The following NYAP2 variants were observed in gnomAD, a reference collection of about 807,000 sequenced individuals.
NYAP2 encodes neuronal tyrosine-phosphorylated phosphoinositide-3-kinase adaptor 2, also known as neuronal tyrosine-phosphorylated phosphoinositide-3-kinase adapter 2.
NYAP2 carries 23 observed loss-of-function variants against 50.4 expected under a neutral mutation model. The observed-to-expected ratio is 0.46, with a 90% CI of 0.33 to 0.65. The LOEUF (loss-of-function observed/expected upper bound fraction) is 0.65, where lower values mean the gene tolerates loss of function less well. Ranked by LOEUF, NYAP2 falls within the 30% of genes least tolerant of loss-of-function variation. NYAP2 has a pLI of 0.02. For missense variants in NYAP2, 885 were observed against 861.0 expected (o/e 1.03, Z -0.35); for synonymous variants, 394 against 365.2 (o/e 1.08, Z -0.90).
At chr2:225,536,527 GTT>G (rs5839111) in intron 4 of NYAP2, among the ~76,000 whole-genome samples, 1 of 151,618 alleles carries the variant, frequency 6.6e-6, no homozygotes, top group Non-Finnish European at 1.5e-5. Flanking sequence ...TTGTTGCCTT[GTT>G]TTTTTCTTTT....
intron 6 of NYAP2, among the ~76,000 whole-genome samples, chr2:225,638,593 C>A (rs1437193692): frequency 6.6e-6 from 1 of 152,070 alleles, no homozygotes; most frequent in Admixed American, 6.6e-5. Context: ...CTACAGGATA[C>A]CCAGTTACCC....
In NYAP2 at chr2:225,582,972, T is replaced by A; in HGVS notation, c.1555T>A (p.Ser519Thr). The stretch of plus-strand genomic sequence containing the variant: ...GCTGGAGGAGCTGACCAGCCTCTTC[T>A]CCTCCGGCCGCAGCCTGCTGCGCAA... The change falls in exon 5 of 7, where the codon TCC (serine) becomes ACC (threonine). Residue 519 changes from serine to threonine, a missense_variant. Physicochemically the swap from Ser to Thr is moderately conservative, Grantham distance 58 (BLOSUM62 1). Coordinates refer to ENST00000636099, the Ensembl canonical transcript of NYAP2. The surrounding 1 kb of genome is among the most constrained non-coding windows in gnomAD (Gnocchi z 7.0). 6.2e-7 allele frequency: 1 copy of A among 1,612,228 alleles called. No individual in the cohort carries two copies. Among genetic ancestry groups the A allele is most frequent in the Non-Finnish European group, 8.5e-7 (1 of 1,179,556 alleles).
intron 4 of NYAP2, among the ~76,000 whole-genome samples, chr2:225,556,028 G>T (rs746540756): frequency 1.3e-5 from 2 of 152,164 alleles, no homozygotes; most frequent in Non-Finnish European, 2.9e-5. Flanking sequence ...TATTATGGTT[G>T]TTTATTGTCT....
chr2:225,424,272 G>A (rs1311155334), intron 3 of NYAP2, among the ~76,000 whole-genome samples: 6 of 152,076 alleles, frequency 3.9e-5, no homozygotes, highest in Admixed American at 3.9e-4. Flanking sequence ...TGAGGTATAA[G>A]TAAGTCAAAT....
chr2:225,526,441 G>T (rs1691153736), intron 4 of NYAP2, among the ~76,000 whole-genome samples: 1 of 152,158 alleles, frequency 6.6e-6, no homozygotes, highest in African/African-American at 2.4e-5. Context: ...AATGTCCCTG[G>T]CCAGACTTTG....
intron 2 of NYAP2, among the ~76,000 whole-genome samples, chr2:225,403,071 G>C (rs1273962664): frequency 1.3e-5 from 2 of 151,896 alleles, no homozygotes; most frequent in Non-Finnish European, 2.9e-5. Flanking sequence ...ACATGCAAAA[G>C]TTGTAAAAGA....
chr2:225,625,170 T>C (rs981417365), intron 5 of NYAP2, among the ~76,000 whole-genome samples: 4 of 151,892 alleles, frequency 2.6e-5, no homozygotes, highest in Non-Finnish European at 5.9e-5. Flanking sequence ...GATTATTAGA[T>C]AATCAGATTT....
intron 3 of NYAP2, among the ~76,000 whole-genome samples, chr2:225,417,894 A>T (rs775069925): frequency 1.2e-4 from 19 of 152,196 alleles, no homozygotes; most frequent in Non-Finnish European, 2.4e-4. Context: ...ATACCAAAAC[A>T]TGCTTGTCCT....
chr2:225,593,865 G>C (rs948505337), intron 5 of NYAP2, among the ~76,000 whole-genome samples: 2 of 152,184 alleles, frequency 1.3e-5, no homozygotes, highest in African/African-American at 4.8e-5. Context: ...TTCTATGTTT[G>C]ACTTAGAATA....
At chr2:225,450,941 C>T (rs1474019384) in intron 3 of NYAP2, among the ~76,000 whole-genome samples, 1 of 152,204 alleles carries the variant, frequency 6.6e-6, no homozygotes, top group Admixed American at 6.5e-5. Context: ...CATGAGAATA[C>T]TTTTGGAATA....
At chr2:225,604,282 A>G (rs1437950223) in intron 5 of NYAP2, among the ~76,000 whole-genome samples, 1 of 152,166 alleles carries the variant, frequency 6.6e-6, no homozygotes, top group Non-Finnish European at 1.5e-5. Flanking sequence ...AAATTCCCAA[A>G]AGAAGAAGTT....
intron 5 of NYAP2, among the ~76,000 whole-genome samples, chr2:225,592,373 T>A (rs1692522408): frequency 6.6e-6 from 1 of 152,196 alleles, no homozygotes; most frequent in African/African-American, 2.4e-5. Context: ...CTAGCAGCAC[T>A]AATCTGAAAA....
the NYAP2 span, among the ~76,000 whole-genome samples, chr2:225,670,621 A>AAAG: frequency 1.4e-5 from 2 of 140,152 alleles, no homozygotes; most frequent in African/African-American, 2.6e-5. Flanking sequence ...AAAAAAAAAA[A>AAAG]AAAAAAAAAA....
intron 2 of NYAP2, among the ~76,000 whole-genome samples, chr2:225,401,307 GC>G (rs1694857999): frequency 6.6e-6 from 1 of 152,034 alleles, no homozygotes; most frequent in Non-Finnish European, 1.5e-5. Context: ...AGTAAAATAA[GC>G]CATGTTGAAT....
chr2:225,446,483 C>T (rs1689567762), intron 3 of NYAP2, among the ~76,000 whole-genome samples: 1 of 151,708 alleles, frequency 6.6e-6, no homozygotes, highest in Non-Finnish European at 1.5e-5. Flanking sequence ...ATTACCAATT[C>T]TGTTGAACAT....
At chr2:225,422,159 G>A (rs971978313) in intron 3 of NYAP2, among the ~76,000 whole-genome samples, 1 of 152,066 alleles carries the variant, frequency 6.6e-6, no homozygotes, top group African/African-American at 2.4e-5. Flanking sequence ...TAAAGGAGAG[G>A]AACACATTTT....
intron 3 of NYAP2, among the ~76,000 whole-genome samples, chr2:225,420,515 T>C (rs1695197176): frequency 6.6e-6 from 1 of 152,160 alleles, no homozygotes; most frequent in Non-Finnish European, 1.5e-5. Flanking sequence ...AGCTTCATAT[T>C]GGTTTGAGGA....
At chr2:225,504,588 G>T (rs868111172) in intron 3 of NYAP2, among the ~76,000 whole-genome samples, 2 of 152,120 alleles carry the variant, frequency 1.3e-5, no homozygotes, top group Non-Finnish European at 2.9e-5. Context: ...TAAAGTATAT[G>T]TCTTCTACCT....
chr2:225,678,656 GTTTC>G, the NYAP2 span, among the ~76,000 whole-genome samples: 1 of 151,978 alleles, frequency 6.6e-6, no homozygotes, highest in Non-Finnish European at 1.5e-5. Context: ...AAGACTTTTC[GTTTC>G]TTTCTTGGAC....
Sources: allele counts gnomAD v4.1 joint callset (sites outside exome capture counted in the v4.1 genomes callset), GRCh38; gene constraint gnomAD v4.1.1; non-coding constraint Gnocchi (gnomAD v3.1); transcripts MANE v1.5; gene names NCBI Gene and HGNC (gene_info 2026-07-23, HGNC 2026-07-21).